NEDD9: variants seen among roughly 807,000 people sequenced by gnomAD.
NEDD9 encodes the protein neural precursor cell expressed, developmentally down-regulated 9, also known as enhancer of filamentation 1.
NEDD9 carries 26 observed loss-of-function variants against 76.6 expected under a neutral mutation model. The observed-to-expected ratio is 0.34, with a 90% confidence interval of 0.25 to 0.47. NEDD9 has a LOEUF of 0.47. NEDD9 is among the 20% of genes least tolerant of loss of function. The pLI is 1.00. For missense variants in NEDD9, 937 were observed against 1,058.5 expected, an observed-to-expected ratio of 0.89 and a Z score of 1.59; for synonymous variants, 392 against 414.2, an observed-to-expected ratio of 0.95 and a Z score of 0.65.
intron 2 of NEDD9, chr6:11,200,976 G>A (rs551237822): frequency 6.2e-7 from 1 of 1,614,228 alleles, no homozygotes; most frequent in African/African-American, 1.3e-5. Context: ...CTTTTCAGTG[G>A]AGGTTCACAA....
intron 2 of NEDD9, chr6:11,328,499 C>G (rs1221175202): frequency 6.6e-6 from 1 of 152,238 alleles, no homozygotes; most frequent in East Asian, 1.9e-4. Context: ...CCAGAAGGCA[C>G]TGGGCAACCC....
intron 3 of NEDD9, among the ~76,000 whole-genome samples, chr6:11,245,484 T>G (rs764743922): frequency 2.0e-5 from 3 of 152,238 alleles, no homozygotes; most frequent in Admixed American, 6.5e-5. Context: ...TGAGATTTCA[T>G]TCACCCATCC....
intron 3 of NEDD9, among the ~76,000 whole-genome samples, chr6:11,248,231 A>G (rs192109564): frequency 3.3e-4 from 51 of 152,262 alleles, no homozygotes; most frequent in East Asian, 2.7e-3. Context: ...AAGGAAAAAA[A>G]AAAGAAAGAA....
chr6:11,361,652 A>G (rs1486864650), intron 1 of NEDD9, among the ~76,000 whole-genome samples: 2 of 152,264 alleles, frequency 1.3e-5, no homozygotes, highest in East Asian at 1.9e-4. Flanking sequence ...AACCTAAACT[A>G]TATCATCCCT....
chr6:11,331,249 G>A (rs1762031644), intron 2 of NEDD9, among the ~76,000 whole-genome samples: 2 of 151,932 alleles, frequency 1.3e-5, no homozygotes, highest in Admixed American at 6.6e-5. Flanking sequence ...TATAAGAATT[G>A]CTAAAAAGAT....
intron 2 of NEDD9, among the ~76,000 whole-genome samples, chr6:11,310,265 G>C (rs1465339559): frequency 6.6e-6 from 1 of 152,172 alleles, no homozygotes; most frequent in African/African-American, 2.4e-5. Flanking sequence ...AGGGGCATGA[G>C]CAGGCCTCTT....
At chr6:11,314,495 G>T (rs1006286136) in intron 2 of NEDD9, among the ~76,000 whole-genome samples, 3 of 152,146 alleles carry the variant, frequency 2.0e-5, no homozygotes, top group Admixed American at 2.0e-4. Context: ...CCTGTAGGGT[G>T]TTTCTCTCTA....
At position 11,260,736 on chromosome 6, in the gene NEDD9, G is replaced by A. The variant is rs983380937; in HGVS notation, c.12+45256C>T. ...TCTGGGGTAAGGATGGTATTGAAGA[G>A]GAAGATGATATAAAAAGTGTGTTAG... On this transcript the variant is annotated intron_variant, in intron 3 of 3. Coordinates refer to the NEDD9 transcript ENST00000397378. Among the ~76,000 whole-genome samples, 6 of 152,258 alleles carry A rather than the reference G, an allele frequency of 3.9e-5. No homozygotes were observed. The East Asian group carries it at 5.8e-4, about 15-fold the overall frequency.
chr6:11,228,564 G>GTT (rs78294541), intron 1 of NEDD9, among the ~76,000 whole-genome samples: 125,395 of 151,354 alleles, frequency 0.83, 52,031 homozygotes, highest in East Asian at 0.92. Context: ...AGAGGAAGGT[G>GTT]TTTTTTTCAG....
rs1762838115 is a variant in NEDD9 at position 11,370,211 on chromosome 6, G to C, written c.-214+11928C>G. 6.6e-6 allele frequency among the ~76,000 whole-genome samples: 1 copy of C among 152,184 alleles called. No individual in the cohort carries two copies. The highest frequency in any genetic ancestry group is 2.4e-5 in the African/African-American group (1 of 41,450). ...AGGCCAGCCCCTGAATCACAGGCCTGCTTAGAGTAAAACGCTGCACCGAAG... is the reference window on the plus strand; with the variant it reads ...AGGCCAGCCCCTGAATCACAGGCCTCCTTAGAGTAAAACGCTGCACCGAAG... On this transcript the variant is annotated intron_variant, in intron 1 of 3. Coordinates refer to the NEDD9 transcript ENST00000397378. This position sits in a 1 kb window ranked among gnomAD's most constrained non-coding sequence, Gnocchi z 4.2.
chr6:11,286,387 A>G (rs1476352799), intron 3 of NEDD9, among the ~76,000 whole-genome samples: 1 of 152,236 alleles, frequency 6.6e-6, no homozygotes, highest in South Asian at 2.1e-4. Context: ...ACTCTCAAAC[A>G]CTGGTGATGG....
chr6:11,330,689 T>C (rs2113498324), intron 2 of NEDD9, among the ~76,000 whole-genome samples: 1 of 152,326 alleles, frequency 6.6e-6, no homozygotes, highest in East Asian at 1.9e-4. Context: ...CTTGTGGCTT[T>C]TAGTCTAAGT....
At chr6:11,204,539 G>C (rs1561786661) in intron 2 of NEDD9, among the ~76,000 whole-genome samples, 1 of 152,020 alleles carries the variant, frequency 6.6e-6, no homozygotes, top group Non-Finnish European at 1.5e-5. Context: ...TGCCAACGTA[G>C]TGAAACTTTG....
At chr6:11,348,258 A>G (rs1190122652) in intron 1 of NEDD9, among the ~76,000 whole-genome samples, 1 of 152,196 alleles carries the variant, frequency 6.6e-6, no homozygotes, top group Admixed American at 6.5e-5. Flanking sequence ...GAACTACAAA[A>G]CACTGCTCAA....
chr6:11,273,570 G>A (rs374518711), intron 3 of NEDD9, among the ~76,000 whole-genome samples: 4 of 152,322 alleles, frequency 2.6e-5, no homozygotes, highest in Admixed American at 6.5e-5. Context: ...CCCCGCCTGT[G>A]GTCTAGCCTT....
intron 3 of NEDD9, among the ~76,000 whole-genome samples, chr6:11,266,056 G>A (rs1760195321): frequency 6.6e-6 from 1 of 151,884 alleles, no homozygotes; most frequent in Non-Finnish European, 1.5e-5. Context: ...GGGAAGGGAG[G>A]GGACCAAGAG....
intron 1 of NEDD9, among the ~76,000 whole-genome samples, chr6:11,219,170 C>G (rs970485642): frequency 6.6e-6 from 1 of 152,112 alleles, no homozygotes; most frequent in African/African-American, 2.4e-5. Flanking sequence ...CGGCTTCTAC[C>G]CCTCACCCCA....
chr6:11,220,864 G>T (rs879609667), intron 1 of NEDD9, among the ~76,000 whole-genome samples: 9 of 152,148 alleles, frequency 5.9e-5, no homozygotes, highest in Admixed American at 5.9e-4. Flanking sequence ...TTTAGGGTTC[G>T]TGCTGGACAG....
At chr6:11,309,483 G>A (rs1317439621) in intron 2 of NEDD9, among the ~76,000 whole-genome samples, 1 of 152,162 alleles carries the variant, frequency 6.6e-6, no homozygotes, top group Admixed American at 6.5e-5. Flanking sequence ...GCTGCCTCAA[G>A]GGATTCTCTT....
Sources: gnomAD v4.1 joint callset for allele counts (sites outside exome capture counted in the v4.1 genomes callset) on GRCh38, gnomAD v4.1.1 for gene constraint, Gnocchi (gnomAD v3.1) non-coding constraint, MANE v1.5 for transcripts, NCBI Gene and HGNC (gene_info 2026-07-23, HGNC 2026-07-21) for gene names.